The following DNAH6 variants were observed in gnomAD, a reference collection of about 807,000 sequenced individuals.
The protein encoded by DNAH6 is dynein axonemal heavy chain 6, also known as axonemal beta dynein heavy chain 6.
DNAH6 carries 340 observed loss-of-function variants against 491.4 expected under a neutral mutation model. The ratio of observed to expected loss-of-function variants is 0.69; its 90% CI spans 0.63 to 0.76. The LOEUF is 0.76. DNAH6 is among the 30% of genes least tolerant of loss of function. The pLI, the probability that DNAH6 is intolerant of heterozygous loss-of-function variation, is 0.00. For synonymous variants in DNAH6, 1,603 were observed against 1,686.1 expected, an observed-to-expected ratio of 0.95 and a Z score of 1.21; for missense variants, 4,443 against 4,972.2, an observed-to-expected ratio of 0.89 and a Z score of 3.20.
intron 60 of DNAH6, among the ~76,000 whole-genome samples, chr2:84,725,309 G>A (rs545487111): frequency 2.0e-5 from 3 of 152,158 alleles, no homozygotes; most frequent in Non-Finnish European, 4.4e-5. Context: ...TTCCAGGAAA[G>A]AATGGAAATG....
At chr2:84,469,096 A>G in the DNAH6 span, among the ~76,000 whole-genome samples, 3 of 152,208 alleles carry the variant, frequency 2.0e-5, no homozygotes, top group Non-Finnish European at 2.9e-5. The surrounding 1 kb of genome is among the most constrained non-coding windows in gnomAD (Gnocchi z 4.0). Flanking sequence ...CCAGCTTAAG[A>G]CTAGCCTTAG....
chr2:84,571,899 C>CAG (rs775748931), intron 11 of DNAH6, among the ~76,000 whole-genome samples: 2 of 151,504 alleles, frequency 1.3e-5, no homozygotes, highest in African/African-American at 4.9e-5. Context: ...GCCTGGGTGA[C>CAG]AGAGAGAGAC....
intron 62 of DNAH6, among the ~76,000 whole-genome samples, chr2:84,737,770 G>A (rs768734101): frequency 3.3e-5 from 5 of 151,536 alleles, no homozygotes; most frequent in Admixed American, 6.6e-5. Context: ...TTATCCTTTC[G>A]AGAAACCAAC....
At chr2:84,610,292 A>T (rs771464012) in intron 21 of DNAH6, among the ~76,000 whole-genome samples, 2 of 152,168 alleles carry the variant, frequency 1.3e-5, no homozygotes, top group Non-Finnish European at 2.9e-5. Context: ...TCCTAGCAAG[A>T]TGACTATTAC....
At chr2:84,708,648 G>GAGAA (rs796077295) in intron 54 of DNAH6, among the ~76,000 whole-genome samples, 2 of 151,968 alleles carry the variant, frequency 1.3e-5, no homozygotes, top group Non-Finnish European at 2.9e-5. Context: ...GAAAGAAAGA[G>GAGAA]AGAAAGAAAG....
intron 10 of DNAH6, among the ~76,000 whole-genome samples, chr2:84,554,454 C>G (rs978254203): frequency 6.6e-6 from 1 of 152,154 alleles, no homozygotes; most frequent in African/African-American, 2.4e-5. Flanking sequence ...GTAAACCAGT[C>G]AATGTCTGTA....
At chr2:84,686,649 T>C (rs1330953642) in intron 44 of DNAH6, 92 bp downstream of exon 44, 2 of 800,920 alleles carry the variant, frequency 2.5e-6, no homozygotes, top group Non-Finnish European at 3.9e-6. Flanking sequence ...AAACTTTACA[T>C]GTGTGAGGAG....
chr2:84,805,370 G>A (rs919281815), intron 70 of DNAH6, among the ~76,000 whole-genome samples: 3 of 152,190 alleles, frequency 2.0e-5, no homozygotes, highest in African/African-American at 7.2e-5. Context: ...AGGGGCTGGG[G>A]AGAGGGGGAA....
intron 62 of DNAH6, among the ~76,000 whole-genome samples, chr2:84,734,411 A>G (rs528711491): frequency 1.3e-5 from 2 of 152,270 alleles, no homozygotes; most frequent in Admixed American, 6.5e-5. Context: ...AAGTGCTGGG[A>G]AAAACTACAC....
At chr2:84,686,332 G>A (rs538973774) in intron 43 of DNAH6, among the ~76,000 whole-genome samples, 152 bp from the exon 44 acceptor site, 41 of 152,006 alleles carry the variant, frequency 2.7e-4, no homozygotes, top group Admixed American at 7.2e-4. Context: ...AAACTAAAGC[G>A]GCATGGAGTT....
chr2:84,670,721 C>T (rs1207467611), intron 39 of DNAH6, among the ~76,000 whole-genome samples: 1 of 152,198 alleles, frequency 6.6e-6, no homozygotes, highest in Non-Finnish European at 1.5e-5. Flanking sequence ...CATGGCTCTC[C>T]CTCTCTCCAC....
chr2:84,566,654 A>G (rs549996699), intron 11 of DNAH6, among the ~76,000 whole-genome samples: 2 of 152,184 alleles, frequency 1.3e-5, no homozygotes, highest in African/African-American at 2.4e-5. Flanking sequence ...CAAGTTTATA[A>G]TAAAGCTTAT....
intron 29 of DNAH6, among the ~76,000 whole-genome samples, chr2:84,630,283 T>C (rs576871088): frequency 6.6e-6 from 1 of 152,218 alleles, no homozygotes; most frequent in Admixed American, 6.5e-5. Context: ...AATTGGAAAA[T>C]TTATAATGGA....
chr2:84,521,576 C>T (rs1160454671), intron 2 of DNAH6, among the ~76,000 whole-genome samples: 1 of 151,866 alleles, frequency 6.6e-6, no homozygotes, highest in Non-Finnish European at 1.5e-5. Context: ...GTATTGCCTA[C>T]GTTGTCTTCC....
intron 2 of DNAH6, among the ~76,000 whole-genome samples, chr2:84,521,922 C>A (rs914414434): frequency 1.3e-5 from 2 of 151,816 alleles, no homozygotes; most frequent in Non-Finnish European, 2.9e-5. Flanking sequence ...CTCCAGTGTT[C>A]TTCTTTATGC....
At position 84,664,206 on chromosome 2, in the gene DNAH6, C is replaced by G. The variant is rs560933518; in HGVS notation, c.6084+5037C>G. On this transcript the variant is annotated intron_variant, in intron 37 of 76. Transcript: ENST00000389394. ...CTGCATCAACTAACGAGCAAAATAA[C>G]CAGCTAACATCATAATGACAGGGTC... 2.6e-5 allele frequency among the ~76,000 whole-genome samples: 4 copies of G among 152,212 alleles called. No individual in the cohort carries two copies. In the South Asian group the frequency reaches 8.3e-4, roughly 32 times the overall value.
rs189880586 is a variant in DNAH6, at chr2:84,624,286, A to G, written c.4093A>G (p.Ile1365Val). ...GTAGAGATTAAATGCCCTAGCTGCAATAGTTCAAGGCAGTCTTCCTAAATT... is the reference window on the plus strand; with the variant it reads ...GTAGAGATTAAATGCCCTAGCTGCAGTAGTTCAAGGCAGTCTTCCTAAATT... ...NFERLNALAA[I>V]VQGSLPKLHR... Residue 1365 changes from isoleucine to valine, a missense_variant, in exon 27 of 77, where the codon ATA (isoleucine) becomes GTA (valine). By Grantham distance (29) the Ile-to-Val change is conservative. This residue lies in a region of DNAH6 where 2,977 missense variants were observed against 3,296.6 expected (regional missense o/e 0.90). Coordinates refer to ENST00000389394, the MANE Select transcript of DNAH6 (RefSeq NM_001370.2). 4.1e-4 allele frequency: 640 copies of G among 1,549,162 alleles called. No homozygotes were observed. Among genetic ancestry groups the G allele is most frequent in the Non-Finnish European group, 5.4e-4 (616 of 1,146,194 alleles).
At chr2:84,513,608 TC>T (rs1487830704), upstream of DNAH6, among the ~76,000 whole-genome samples, 3 of 152,186 alleles carry the variant, frequency 2.0e-5, no homozygotes, top group Non-Finnish European at 4.4e-5. Flanking sequence ...GCCTTTTAAG[TC>T]TTGTTTATTC....
chr2:84,735,890 A>G (rs1431159318), intron 62 of DNAH6, among the ~76,000 whole-genome samples: 3 of 152,034 alleles, frequency 2.0e-5, no homozygotes, highest in Non-Finnish European at 4.4e-5. Context: ...CCATTTGTCT[A>G]TTTTTTATTT....
Sources: allele counts gnomAD v4.1 joint callset (sites outside exome capture counted in the v4.1 genomes callset), GRCh38; gene constraint gnomAD v4.1.1; regional missense constraint gnomAD v4.1.1; non-coding constraint Gnocchi (gnomAD v3.1); transcripts MANE v1.5; gene names NCBI Gene and HGNC (gene_info 2026-07-23, HGNC 2026-07-21).